The following DLG2 variants were observed in gnomAD, a reference collection of about 807,000 sequenced individuals.
DLG2 encodes discs large MAGUK scaffold protein 2.
In DLG2, 45 loss-of-function variants were observed where a neutral mutation model predicts 132.5. That is an observed-to-expected ratio of 0.34 (90% CI 0.27 to 0.44). The LOEUF (loss-of-function observed/expected upper bound fraction) is 0.44, where lower values mean the gene tolerates loss of function less well. DLG2 is among the 20% of genes least tolerant of loss of function. The pLI, the probability that DLG2 is intolerant of heterozygous loss-of-function variation, is 1.00. For synonymous variants in DLG2, 424 were observed against 419.6 expected, an observed-to-expected ratio of 1.01 and a Z score of -0.13; for missense variants, 1,045 against 1,196.9, an observed-to-expected ratio of 0.87 and a Z score of 1.87.
chr11:85,237,564 C>G (rs1457093049), intron 4 of DLG2, among the ~76,000 whole-genome samples: 1 of 151,998 alleles, frequency 6.6e-6, no homozygotes, highest in Admixed American at 6.6e-5. Flanking sequence ...CTAAATCCCT[C>G]CACTAACTGA....
chr11:85,255,940 A>C (rs532214808), intron 4 of DLG2, among the ~76,000 whole-genome samples: 5 of 152,356 alleles, frequency 3.3e-5, no homozygotes, highest in African/African-American at 1.2e-4. Context: ...ATTCAGAGTT[A>C]GGGGCAAGAA....
chr11:85,579,485 A>C (rs972696963), intron 3 of DLG2, among the ~76,000 whole-genome samples: 1 of 152,216 alleles, frequency 6.6e-6, no homozygotes, highest in Non-Finnish European at 1.5e-5. Context: ...TGGTATGTAC[A>C]AGAAGGTGGA....
intron 6 of DLG2, among the ~76,000 whole-genome samples, chr11:84,696,952 T>C (rs2058678445): frequency 6.6e-6 from 1 of 151,372 alleles, no homozygotes; most frequent in African/African-American, 2.4e-5. Flanking sequence ...CTTGCCCACA[T>C]TGAAGGGTTC....
chr11:84,294,250 T>A (rs959210321), intron 7 of DLG2, among the ~76,000 whole-genome samples: 1 of 152,182 alleles, frequency 6.6e-6, no homozygotes, highest in Admixed American at 6.5e-5. Flanking sequence ...TATTAAGTAA[T>A]ATCTTAAAGT....
chr11:84,007,013 G>C (rs1221795892), intron 11 of DLG2, among the ~76,000 whole-genome samples: 2 of 151,660 alleles, frequency 1.3e-5, no homozygotes, highest in Non-Finnish European at 3.0e-5. Context: ...CACCAAAACT[G>C]TCAAGTGGGC....
intron 6 of DLG2, among the ~76,000 whole-genome samples, chr11:84,536,139 C>G (rs549940107): frequency 6.6e-6 from 1 of 152,230 alleles, no homozygotes; most frequent in African/African-American, 2.4e-5. Context: ...AGTAATATCT[C>G]TCTCAACAAA....
chr11:85,153,122 C>T (rs1256103600), intron 5 of DLG2, among the ~76,000 whole-genome samples: 2 of 152,078 alleles, frequency 1.3e-5, no homozygotes, highest in Non-Finnish European at 2.9e-5. Flanking sequence ...TAGGTATAAT[C>T]TCATTTTATC....
chr11:83,955,202 C>T (rs1328624821), intron 14 of DLG2, among the ~76,000 whole-genome samples: 1 of 152,074 alleles, frequency 6.6e-6, no homozygotes, highest in Non-Finnish European at 1.5e-5. Context: ...TATTATTTTG[C>T]CCCTTTTATA....
At chr11:85,446,616 A>G (rs1380857816) in intron 3 of DLG2, among the ~76,000 whole-genome samples, 3 of 152,134 alleles carry the variant, frequency 2.0e-5, no homozygotes, top group African/African-American at 7.2e-5. Flanking sequence ...ATAAAATACT[A>G]TTTTTCACAT....
chr11:85,547,235 T>C (rs531348660), intron 3 of DLG2, among the ~76,000 whole-genome samples: 2 of 152,310 alleles, frequency 1.3e-5, no homozygotes, highest in South Asian at 2.1e-4. Flanking sequence ...AAGGGTTTTA[T>C]TTCTCCTTCA....
rs146286102 is a variant in DLG2, at chr11:84,132,456, T to C, written c.624+31005A>G. On this transcript the variant is annotated intron_variant, in intron 9 of 27. Coordinates refer to ENST00000376104, the MANE Select transcript of DLG2 (RefSeq NM_001142699.3). ...TCCTCACCTTCTCAGTTGGCAATGATTCCTGAACACACACATCACTTAAAG... is the reference window on the plus strand; with the variant it reads ...TCCTCACCTTCTCAGTTGGCAATGACTCCTGAACACACACATCACTTAAAG... Among the ~76,000 whole-genome samples the C allele has an allele frequency of 4.6e-4, 70 of 152,092 alleles. 1 individual carries two copies. In the East Asian group the frequency reaches 0.012, roughly 27 times the overall value.
intron 6 of DLG2, among the ~76,000 whole-genome samples, chr11:84,582,121 G>A (rs146586785): frequency 0.012 from 1,810 of 151,706 alleles, 17 homozygotes; most frequent in Non-Finnish European, 0.02. Flanking sequence ...TAGGTGAGAC[G>A]AACTATAGCT....
intron 7 of DLG2, among the ~76,000 whole-genome samples, chr11:84,527,503 T>C (rs763619938): frequency 1.3e-5 from 2 of 152,170 alleles, no homozygotes; most frequent in African/African-American, 2.4e-5. Context: ...TCTCAGGGTA[T>C]TGAAGTTTAC....
chr11:84,937,100 C>T lies in DLG2; in HGVS notation c.357+174561G>A, dbSNP rs530369976. Among the ~76,000 whole-genome samples the T allele has an allele frequency of 2.6e-5, 4 of 152,152 alleles. No homozygotes were observed. In the East Asian group the frequency reaches 5.8e-4, roughly 22 times the overall value. ...CCAGGAGGCAGAGTTTGCAGTGAGC[C>T]GAGATCATGCCATTGCACTCCAGTC... On this transcript the variant is annotated intron_variant, in intron 6 of 27. Transcript: ENST00000376104.
At chr11:84,628,532 C>T (rs369399614) in intron 6 of DLG2, among the ~76,000 whole-genome samples, 1 of 152,186 alleles carries the variant, frequency 6.6e-6, no homozygotes, top group Non-Finnish European at 1.5e-5. Flanking sequence ...ATTATAAGAA[C>T]TACATAGTTT....
intron 6 of DLG2, among the ~76,000 whole-genome samples, chr11:84,726,656 A>G (rs2062502660): frequency 6.6e-6 from 1 of 152,094 alleles, no homozygotes; most frequent in Non-Finnish European, 1.5e-5. Context: ...GTCAAACGGT[A>G]TTTCTGGTTC....
At chr11:84,023,740 T>A (rs897192458) in intron 11 of DLG2, among the ~76,000 whole-genome samples, 2 of 152,148 alleles carry the variant, frequency 1.3e-5, no homozygotes, top group African/African-American at 4.8e-5. Context: ...CATAAATGCA[T>A]AAAATATAGG....
intron 6 of DLG2, among the ~76,000 whole-genome samples, chr11:84,608,691 C>G (rs998436126): frequency 2.6e-5 from 4 of 152,132 alleles, no homozygotes; most frequent in Non-Finnish European, 4.4e-5. Context: ...CAAAGTCAGA[C>G]ACTGTGGATG....
intron 15 of DLG2, among the ~76,000 whole-genome samples, chr11:83,885,493 A>T (rs1484938221): frequency 1.3e-5 from 2 of 152,234 alleles, no homozygotes; most frequent in African/African-American, 4.8e-5. Context: ...GAAAGTGACG[A>T]GGAGAATGGA....
Sources: allele counts gnomAD v4.1 joint callset (sites outside exome capture counted in the v4.1 genomes callset), GRCh38; gene constraint gnomAD v4.1.1; transcripts MANE v1.5; gene names NCBI Gene and HGNC (gene_info 2026-07-23, HGNC 2026-07-21).